The following SORBS2 variants were observed in gnomAD, a reference collection of about 807,000 sequenced individuals.
The protein encoded by SORBS2 is sorbin and SH3 domain-containing protein 2.
SORBS2 carries 46 observed loss-of-function variants against 97.7 expected under a neutral mutation model. The observed-to-expected ratio is 0.47, with a 90% CI of 0.37 to 0.60. The LOEUF (loss-of-function observed/expected upper bound fraction) is 0.60, where lower values mean the gene tolerates loss of function less well. Ranked by LOEUF, SORBS2 falls within the 20% of genes least tolerant of loss-of-function variation. The pLI, the probability that SORBS2 is intolerant of heterozygous loss-of-function variation, is 0.00. For synonymous variants in SORBS2, 476 were observed against 473.4 expected, an observed-to-expected ratio of 1.01 and a Z score of -0.07; for missense variants, 1,316 against 1,282.3, an observed-to-expected ratio of 1.03 and a Z score of -0.40.
intron 2 of SORBS2, among the ~76,000 whole-genome samples, chr4:185,746,498 G>C (rs2098761620): frequency 6.6e-6 from 1 of 152,068 alleles, no homozygotes; most frequent in African/African-American, 2.4e-5. Context: ...TGTATTTTTA[G>C]TAGAGACAGA....
chr4:185,755,490 G>A (rs1468484435), intron 2 of SORBS2, among the ~76,000 whole-genome samples: 2 of 152,194 alleles, frequency 1.3e-5, no homozygotes, highest in African/African-American at 2.4e-5. Context: ...TGTTTGGCAT[G>A]GAAGACAGTT....
intron 4 of SORBS2, chr4:185,666,345 C>T (rs1355428385): frequency 5.2e-6 from 2 of 381,284 alleles, no homozygotes; most frequent in African/African-American, 4.2e-5. Context: ...GGTTAGGTGC[C>T]AACCACACAG....
In SORBS2 at chr4:185,820,619, T is replaced by G. The variant is rs116260271; in HGVS notation, c.-337-45253A>C. Among the ~76,000 whole-genome samples, 1,455 of 152,286 alleles carry G rather than the reference T, an allele frequency of 9.6e-3. 28 individuals carry two copies. Among genetic ancestry groups the G allele is most frequent in the African/African-American group, 0.031 (1,283 of 41,548 alleles). ...GAGCAGCGTGCGCGGACACCTTGCC[T>G]GCGGGGAAGGCCTACGGAGGCCTTG... On this transcript the variant is annotated intron_variant, in intron 1 of 20. Coordinates refer to the SORBS2 transcript ENST00000284776.
At chr4:185,868,316 C>T (rs1338995931) in intron 1 of SORBS2, among the ~76,000 whole-genome samples, 1 of 151,586 alleles carries the variant, frequency 6.6e-6, no homozygotes, top group Non-Finnish European at 1.5e-5. Flanking sequence ...GCCACCATGC[C>T]CAGCTAATTT....
At position 185,623,197 on chromosome 4, in the gene SORBS2, G is replaced by T; in HGVS notation, c.1932C>A (p.Asp644Glu). The T allele has an allele frequency of 6.2e-7, 1 of 1,614,094 alleles. No individual in the cohort carries two copies. The highest frequency in any genetic ancestry group is 1.1e-5 in the South Asian group (1 of 91,064). Residue 644 changes from aspartate to glutamate, a missense_variant, in exon 7 of 15, where the codon GAC becomes GAA. Asp to Glu is a conservative substitution (Grantham distance 45). Transcript: ENST00000418609. This position sits in a 1 kb window ranked among gnomAD's most constrained non-coding sequence, Gnocchi z 6.4. ...CCCTTTTCTTTTCAGCTTTAATTTGGTCACAGATGTCTTTAAGGGCAGAGT... is the reference window on the plus strand; with the variant it reads ...CCCTTTTCTTTTCAGCTTTAATTTGTTCACAGATGTCTTTAAGGGCAGAGT...
intron 1 of SORBS2, among the ~76,000 whole-genome samples, chr4:185,819,430 C>A (rs1377265453): frequency 6.6e-6 from 1 of 152,204 alleles, no homozygotes; most frequent in Non-Finnish European, 1.5e-5. Context: ...CCCCACCTCC[C>A]ACCCAGCACT....
intron 1 of SORBS2, among the ~76,000 whole-genome samples, chr4:185,875,148 CA>C (rs1360857288): frequency 6.6e-6 from 1 of 151,878 alleles, no homozygotes; most frequent in African/African-American, 2.4e-5. Flanking sequence ...AAGGCAAGAA[CA>C]AATAAATAAA....
At chr4:185,631,088 TA>T (rs765302386) in intron 4 of SORBS2, among the ~76,000 whole-genome samples, 26 of 152,194 alleles carry the variant, frequency 1.7e-4, no homozygotes, top group Non-Finnish European at 3.4e-4. Context: ...ATGTAACACA[TA>T]AGCAGAACTT....
intron 1 of SORBS2, among the ~76,000 whole-genome samples, chr4:185,937,031 A>C (rs2099269284): frequency 6.6e-6 from 1 of 152,250 alleles, no homozygotes; most frequent in Non-Finnish European, 1.5e-5. Context: ...TTGAAATTCC[A>C]CTCAGAATTG....
upstream of SORBS2, among the ~76,000 whole-genome samples, chr4:185,657,886 A>G (rs1371037579): frequency 2.0e-5 from 3 of 152,144 alleles, no homozygotes; most frequent in Non-Finnish European, 2.9e-5. Context: ...TAAATGCATT[A>G]TCTCTTCTTA....
chr4:185,710,572 C>CT (rs2098410279), intron 2 of SORBS2, among the ~76,000 whole-genome samples: 1 of 152,198 alleles, frequency 6.6e-6, no homozygotes, highest in Non-Finnish European at 1.5e-5. Flanking sequence ...CAAGTTTTTT[C>CT]TTTCCTACAT....
chr4:185,616,852 G>C (rs1581049250), intron 9 of SORBS2, among the ~76,000 whole-genome samples: 2 of 152,280 alleles, frequency 1.3e-5, no homozygotes, highest in South Asian at 2.1e-4. Context: ...AGGTTCAAGT[G>C]ATTCTCCCAC....
At chr4:185,770,451 C>A (rs2098963713) in intron 2 of SORBS2, among the ~76,000 whole-genome samples, 1 of 152,148 alleles carries the variant, frequency 6.6e-6, no homozygotes, top group Non-Finnish European at 1.5e-5. Flanking sequence ...CAAAACGTTG[C>A]AGATTTTGGA....
Position 185,750,191 on chromosome 4 carries a change from C to T in SORBS2, c.-198+25036G>A, listed in dbSNP as rs576183576. Among the ~76,000 whole-genome samples, 160 of 152,296 alleles carry T rather than the reference C, an allele frequency of 1.1e-3. 3 individuals are homozygous for T. Among genetic ancestry groups the T allele is most frequent in the South Asian group, 5.2e-3 (25 of 4,818 alleles). On this transcript the variant is annotated intron_variant, in intron 2 of 20. Coordinates refer to the SORBS2 transcript ENST00000284776. The stretch of plus-strand genomic sequence containing the variant: ...CACAGCAAGTTCTTAAGAACTCTTT[C>T]GAAACTATTCCTCATGGGCAAAAAG...
chr4:185,685,728 C>T (rs1050085837), intron 2 of SORBS2, among the ~76,000 whole-genome samples: 1 of 152,214 alleles, frequency 6.6e-6, no homozygotes, highest in Non-Finnish European at 1.5e-5. Context: ...TTGCTGTGTT[C>T]CCCAGGCTGG....
intron 1 of SORBS2, among the ~76,000 whole-genome samples, chr4:185,807,574 G>A (rs781015140): frequency 6.6e-6 from 1 of 152,248 alleles, no homozygotes; most frequent in Non-Finnish European, 1.5e-5. Context: ...ACCCGTCTTT[G>A]CTGGTTCCCC....
rs2099235348 is a variant in SORBS2, at chr4:185,879,164, C to T, written c.-338+77032G>A. ...TTAGGTATATCTCCTAATGCTATCCCTCCCCCCCCCCCACCCCACGACAGG... is the reference window on the plus strand; with the variant it reads ...TTAGGTATATCTCCTAATGCTATCCTTCCCCCCCCCCCACCCCACGACAGG... On this transcript the variant is annotated intron_variant, in intron 1 of 20. Coordinates refer to the SORBS2 transcript ENST00000284776. Among the ~76,000 whole-genome samples the T allele has an allele frequency of 7.1e-5, 6 of 84,830 alleles. No individual in the cohort carries two copies. The South Asian group carries it at 1.6e-3, about 23-fold the overall frequency. 55.7% of individuals were successfully genotyped at this position (84,830 alleles called of 152,430 possible).
chr4:185,607,764 G>A lies in SORBS2; in HGVS notation c.2796+4016C>T, dbSNP rs547455768. On this transcript the variant is annotated intron_variant, in intron 12 of 14. Coordinates refer to ENST00000418609, the Ensembl canonical transcript of SORBS2. This position sits in a 1 kb window ranked among gnomAD's most constrained non-coding sequence, Gnocchi z 5.2. ...GGCTGGAGTGCAGTGGTGTGATCTC[G>A]GCTCACTGCAACCTCTGCCTCCCAG... 2.6e-5 allele frequency among the ~76,000 whole-genome samples: 4 copies of A among 151,656 alleles called. No individual in the cohort carries two copies. The highest frequency in any genetic ancestry group is 2.1e-4 in the South Asian group (1 of 4,784).
chr4:185,614,865 T>A (rs1339077486), exon 11 of SORBS2: 1 of 1,614,218 alleles, frequency 6.2e-7, no homozygotes. Flanking sequence ...TGTGTCTGCG[T>A]TGAAGTTGTA....
Sources: gnomAD v4.1 joint callset for allele counts (sites outside exome capture counted in the v4.1 genomes callset) on GRCh38, gnomAD v4.1.1 for gene constraint, Gnocchi (gnomAD v3.1) non-coding constraint, MANE v1.5 for transcripts, NCBI Gene and HGNC (gene_info 2026-07-23, HGNC 2026-07-21) for gene names.